Variants in TLL2 observed in about 807,000 individuals in gnomAD.
TLL2 encodes tolloid like 2, also known as tolloid-like protein 2.
Under a neutral mutation model 123.0 loss-of-function variants are expected in TLL2, and 106 were observed. The ratio of observed to expected loss-of-function variants is 0.86; its 90% confidence interval spans 0.74 to 1.01. The LOEUF is 1.01. TLL2 is among the 50% of genes least tolerant of loss of function. TLL2 has a pLI of 0.00. For synonymous variants in TLL2, 494 were observed against 516.8 expected (o/e 0.96, Z 0.60); for missense variants, 1,332 against 1,336.7 (o/e 1.00, Z 0.06).
intron 6 of TLL2, among the ~76,000 whole-genome samples, chr10:96,421,619 G>A (rs1169637042): frequency 2.7e-5 from 4 of 149,348 alleles, no homozygotes; most frequent in South Asian, 2.1e-4. Context: ...AGCCAAGATC[G>A]CACCACTGCA....
At chr10:96,451,892 C>A (rs577959868) in intron 2 of TLL2, among the ~76,000 whole-genome samples, 8 of 152,318 alleles carry the variant, frequency 5.3e-5, no homozygotes, top group African/African-American at 1.4e-4. Flanking sequence ...CCTTAGCTCT[C>A]ATGTTTACTC....
chr10:96,410,413 C>A lies in TLL2; in HGVS notation c.1110G>T (p.Gly370=). The change falls in exon 9 of 21, where the codon GGG becomes GGT. Residue 370 remains glycine (G), a synonymous_variant. Coordinates refer to ENST00000357947, the MANE Select transcript of TLL2 (RefSeq NM_012465.4). The part of the protein sequence containing the change: ...GNFSAPGFPN[G]YPSYSHCVWR... Reference sequence around the variant, plus strand: ...AGACGCAGTGGGAGTAAGATGGGTACCCATTTGGGAAACCAGGTGCAGAAA... The same window carrying A: ...AGACGCAGTGGGAGTAAGATGGGTAACCATTTGGGAAACCAGGTGCAGAAA... 1.2e-6 allele frequency: 2 copies of A among 1,614,016 alleles called. No individual in the cohort carries two copies. Among genetic ancestry groups the A allele is most frequent in the African/African-American group, 1.3e-5 (1 of 75,010 alleles).
At chr10:96,480,548 G>T in intron 1 of TLL2, 89 bp from the exon 2 acceptor site, 2 of 1,069,206 alleles carry the variant, frequency 1.9e-6, no homozygotes, top group Non-Finnish European at 2.9e-6. Context: ...TGGGTGTTGG[G>T]TGGTAAACTT....
At chr10:96,504,112 A>G (rs951759688) in intron 1 of TLL2, among the ~76,000 whole-genome samples, 6 of 152,182 alleles carry the variant, frequency 3.9e-5, no homozygotes, top group African/African-American at 9.7e-5. Context: ...GAGTGCTCCC[A>G]TCAACTCCTA....
Position 96,445,144 on chromosome 10 carries a change from G to A in TLL2, c.364+947C>T, listed in dbSNP as rs542993329. The stretch of plus-strand genomic sequence containing the variant: ...GCGGAGCTTGCAGTGAGCTGAGATC[G>A]CACCACTGCACTCCAGCCTGGGCGA... On this transcript the variant is annotated intron_variant, in intron 3 of 20. Transcript: ENST00000357947. 1.6e-4 allele frequency among the ~76,000 whole-genome samples: 25 copies of A among 152,230 alleles called. No individual in the cohort carries two copies. The South Asian group carries it at 3.5e-3, about 21-fold the overall frequency.
In TLL2 at chr10:96,387,018, A is replaced by T. The variant is rs752267693; in HGVS notation, c.1787T>A (p.Leu596Gln). The T allele has an allele frequency of 1.3e-5, 21 of 1,613,988 alleles. No individual in the cohort carries two copies. Among genetic ancestry groups the T allele is most frequent in the Non-Finnish European group, 2.5e-6 (3 of 1,180,046 alleles). The change falls in exon 14 of 21, where the codon CTG (leucine) becomes CAG (glutamine). Residue 596 changes from leucine to glutamine, a missense_variant. By Grantham distance (113) the Leu-to-Gln change is moderately radical. Coordinates refer to ENST00000357947, the MANE Select transcript of TLL2 (RefSeq NM_012465.4). ...GTCACAGGCACACTTGTAGCTGCCCAGCGTGTTCACACAGCGATGCTCGCA... is the reference window on the plus strand; with the variant it reads ...GTCACAGGCACACTTGTAGCTGCCCTGCGTGTTCACACAGCGATGCTCGCA... ...GGCEHRCVNT[L>Q]GSYKCACDPG...
chr10:96,410,347 C>T lies in TLL2; in HGVS notation c.1164+12G>A, dbSNP rs1846488779. ...AGTGCCGTCCCATTTGCCAAGGGGG[C>T]TTCCCACCTACCTTTTCCCCTGGGG... On this transcript the variant is annotated intron_variant, in intron 9 of 20. Transcript: ENST00000357947. The T allele has an allele frequency of 1.2e-6, 2 of 1,606,958 alleles. No homozygotes were observed. Among genetic ancestry groups the T allele is most frequent in the African/African-American group, 1.3e-5 (1 of 74,736 alleles).
At chr10:96,492,619 C>T (rs552661991) in intron 1 of TLL2, among the ~76,000 whole-genome samples, 28 of 152,284 alleles carry the variant, frequency 1.8e-4, no homozygotes, top group African/African-American at 3.4e-4. Context: ...AGCAAAACTC[C>T]GTCTTAAACA....
chr10:96,486,296 AATGTTC>A (rs1292447237), intron 1 of TLL2, among the ~76,000 whole-genome samples: 1 of 152,182 alleles, frequency 6.6e-6, no homozygotes, highest in East Asian at 1.9e-4. Flanking sequence ...AAACAAGAAA[AATGTTC>A]ATCCTGGGTT....
At chr10:96,427,154 C>T (rs1462787155) in intron 5 of TLL2, among the ~76,000 whole-genome samples, 1 of 152,134 alleles carries the variant, frequency 6.6e-6, no homozygotes, top group Non-Finnish European at 1.5e-5. Context: ...AACTTACCAG[C>T]TAATGTTTAT....
chr10:96,402,308 C>A (rs1354576300), intron 10 of TLL2, among the ~76,000 whole-genome samples: 1 of 152,216 alleles, frequency 6.6e-6, no homozygotes, highest in African/African-American at 2.4e-5. Context: ...GTCCTTTCTA[C>A]ATTTGTGGTA....
At chr10:96,478,486 A>G (rs533510435) in intron 2 of TLL2, among the ~76,000 whole-genome samples, 1 of 152,360 alleles carries the variant, frequency 6.6e-6, no homozygotes, top group African/African-American at 2.4e-5. Context: ...TCCTGGGCAC[A>G]GGCCCAGTGG....
chr10:96,447,933 C>G (rs1846914831), intron 2 of TLL2, among the ~76,000 whole-genome samples: 1 of 152,078 alleles, frequency 6.6e-6, no homozygotes, highest in Admixed American at 6.5e-5. Context: ...TTCCCTGGCC[C>G]CACAGATAAA....
At chr10:96,468,543 C>T (rs1327632438) in intron 2 of TLL2, among the ~76,000 whole-genome samples, 3 of 152,232 alleles carry the variant, frequency 2.0e-5, no homozygotes, top group South Asian at 2.1e-4. Context: ...TCTTAAAAGA[C>T]GCTCCTCTAT....
At chr10:96,397,467 G>A (rs1846353049) in intron 10 of TLL2, among the ~76,000 whole-genome samples, 165 bp from the exon 11 acceptor site, 1 of 152,186 alleles carries the variant, frequency 6.6e-6, no homozygotes, top group Admixed American at 6.5e-5. Context: ...AGATGGGATT[G>A]GAAGAGTCAC....
At chr10:96,410,728 C>T (rs1316820691) in intron 8 of TLL2, 4 of 574,092 alleles carry the variant, frequency 7.0e-6, no homozygotes, top group Non-Finnish European at 1.3e-5. Context: ...GGTCATGAAT[C>T]TTAGCTCTCT....
intron 10 of TLL2, among the ~76,000 whole-genome samples, chr10:96,401,938 G>T (rs917546588): frequency 6.6e-6 from 1 of 152,146 alleles, no homozygotes; most frequent in Non-Finnish European, 1.5e-5. Flanking sequence ...GGCACCCCTT[G>T]GGTTCAGCAG....
intron 3 of TLL2, among the ~76,000 whole-genome samples, chr10:96,445,668 T>C (rs1196630092): frequency 6.6e-6 from 1 of 152,162 alleles, no homozygotes; most frequent in Non-Finnish European, 1.5e-5. Flanking sequence ...TCACGATCCA[T>C]GCACAAGGCA....
rs1253761413 is a variant in TLL2 at position 96,396,024 on chromosome 10, T to C, written c.1385-4A>G. On this transcript the variant is annotated splice_region_variant and splice_polypyrimidine_tract_variant and intron_variant, in intron 11 of 20. Transcript: ENST00000357947. Reference sequence around the variant, plus strand: ...TTCATGTCTCCCCCGCAGGTAGCTTTAGAAAGAGACATCAGGAGAGGAAGA... The same window carrying C: ...TTCATGTCTCCCCCGCAGGTAGCTTCAGAAAGAGACATCAGGAGAGGAAGA... 2 of 1,614,000 alleles carry C rather than the reference T, an allele frequency of 1.2e-6. No individual in the cohort carries two copies. Among genetic ancestry groups the C allele is most frequent in the South Asian group, 2.2e-5 (2 of 91,042 alleles).
Sources: gnomAD v4.1 joint callset for allele counts (sites outside exome capture counted in the v4.1 genomes callset) on GRCh38, gnomAD v4.1.1 for gene constraint, MANE v1.5 for transcripts, NCBI Gene and HGNC (gene_info 2026-07-23, HGNC 2026-07-21) for gene names.